Variants in UBE2E2 observed in about 807,000 individuals in gnomAD.
UBE2E2 encodes the protein ubiquitin-conjugating enzyme E2 E2.
In UBE2E2, 6 loss-of-function variants were observed where a neutral mutation model predicts 24.7. The ratio of observed to expected loss-of-function variants is 0.24; its 90% CI spans 0.13 to 0.48. UBE2E2 has a LOEUF of 0.48. UBE2E2 is among the 20% of genes least tolerant of loss of function. The pLI is 0.99. For synonymous variants in UBE2E2, 104 were observed against 83.6 expected (o/e 1.24, Z -1.33); for missense variants, 169 against 245.0 (o/e 0.69, Z 2.07).
intron 5 of UBE2E2, among the ~76,000 whole-genome samples, chr3:23,569,404 G>A (rs6774454): frequency 0.21 from 32,091 of 152,068 alleles, 3,597 homozygotes; most frequent in Non-Finnish European, 0.26. Context: ...ATGGATTGTG[G>A]TAATGGTTGC....
chr3:23,482,748 G>C (rs1699284595), intron 3 of UBE2E2, among the ~76,000 whole-genome samples: 1 of 151,956 alleles, frequency 6.6e-6, no homozygotes, highest in African/African-American at 2.4e-5. Context: ...GATTAAATAG[G>C]GATTTAAGGA....
chr3:23,546,116 A>G (rs1488525614), intron 5 of UBE2E2, among the ~76,000 whole-genome samples: 2 of 152,238 alleles, frequency 1.3e-5, no homozygotes, highest in African/African-American at 4.8e-5. Context: ...CAGTTTATCC[A>G]TGTAACCAGA....
chr3:23,416,246 G>A (rs1365336885), intron 3 of UBE2E2, among the ~76,000 whole-genome samples: 1 of 152,102 alleles, frequency 6.6e-6, no homozygotes, highest in Non-Finnish European at 1.5e-5. Context: ...CATAATCCTG[G>A]TGGTGACAAA....
intron 3 of UBE2E2, among the ~76,000 whole-genome samples, chr3:23,338,776 A>G (rs543083518): frequency 5.9e-5 from 9 of 152,356 alleles, no homozygotes; most frequent in African/African-American, 1.9e-4. Flanking sequence ...AGTGGTATCC[A>G]GATATAATTA....
chr3:23,284,022 G>T (rs1226736868), intron 3 of UBE2E2, among the ~76,000 whole-genome samples: 1 of 152,122 alleles, frequency 6.6e-6, no homozygotes, highest in Non-Finnish European at 1.5e-5. Context: ...AGAGCAATTT[G>T]GCCATGTTAG....
chr3:23,228,780 C>T (rs1056426926), intron 3 of UBE2E2, among the ~76,000 whole-genome samples: 1 of 152,164 alleles, frequency 6.6e-6, no homozygotes, highest in Non-Finnish European at 1.5e-5. Flanking sequence ...TGTGTAGAGG[C>T]AGCACTTTCT....
intron 3 of UBE2E2, among the ~76,000 whole-genome samples, chr3:23,238,834 G>C (rs1697183996): frequency 6.6e-6 from 1 of 152,154 alleles, no homozygotes; most frequent in Non-Finnish European, 1.5e-5. Flanking sequence ...CCTGCCACAT[G>C]GGGTTAGGTG....
chr3:23,312,679 C>A (rs538766878), intron 3 of UBE2E2, among the ~76,000 whole-genome samples: 42 of 152,148 alleles, frequency 2.8e-4, no homozygotes, highest in Non-Finnish European at 5.3e-4. Context: ...GTTTGGTTTG[C>A]TCTTGCTTTC....
intron 3 of UBE2E2, among the ~76,000 whole-genome samples, chr3:23,327,790 G>C (rs568134385): frequency 6.6e-6 from 1 of 152,186 alleles, no homozygotes; most frequent in Non-Finnish European, 1.5e-5. Context: ...ATGAGGTTCA[G>C]ACAAAACTTC....
chr3:23,208,167 C>T (rs1696203526), intron 1 of UBE2E2, among the ~76,000 whole-genome samples: 4 of 151,972 alleles, frequency 2.6e-5, no homozygotes, highest in Admixed American at 2.6e-4. Flanking sequence ...CCTGAGCTTC[C>T]CAAAACATTG....
At chr3:23,386,403 G>A (rs976651309) in intron 3 of UBE2E2, among the ~76,000 whole-genome samples, 3 of 152,160 alleles carry the variant, frequency 2.0e-5, no homozygotes, top group African/African-American at 7.2e-5. Flanking sequence ...CAATCAGGTT[G>A]GGGGTTAAGA....
intron 3 of UBE2E2, among the ~76,000 whole-genome samples, chr3:23,450,631 C>T (rs540331158): frequency 4.6e-5 from 7 of 152,064 alleles, no homozygotes. Context: ...GTTTTAGTTA[C>T]CTTATGATAT....
intron 3 of UBE2E2, among the ~76,000 whole-genome samples, chr3:23,339,918 G>A (rs2125308938): frequency 6.6e-6 from 1 of 152,124 alleles, no homozygotes; most frequent in South Asian, 2.1e-4. Flanking sequence ...TAATTGTCAG[G>A]AATAACGGGA....
chr3:23,367,080 A>G (rs1471139428), intron 3 of UBE2E2, among the ~76,000 whole-genome samples: 1 of 152,182 alleles, frequency 6.6e-6, no homozygotes, highest in African/African-American at 2.4e-5. Context: ...TGATTTTCTC[A>G]TCAGGGCCTT....
intron 3 of UBE2E2, among the ~76,000 whole-genome samples, chr3:23,300,608 G>T (rs1322158107): frequency 1.3e-5 from 2 of 152,144 alleles, no homozygotes; most frequent in East Asian, 1.9e-4. Flanking sequence ...GTTGAATATT[G>T]GTCCCCACTG....
intron 3 of UBE2E2, among the ~76,000 whole-genome samples, chr3:23,455,037 G>A (rs532662959): frequency 8.4e-6 from 1 of 118,884 alleles, no homozygotes; most frequent in East Asian, 2.8e-4. Context: ...CCTAACCCAG[G>A]TCTCTGCATG....
chr3:23,321,538 C>G (rs1230735368), intron 3 of UBE2E2, among the ~76,000 whole-genome samples: 1 of 151,308 alleles, frequency 6.6e-6, no homozygotes, highest in Non-Finnish European at 1.5e-5. Context: ...TGCTAAATCT[C>G]CTAGGAATAG....
intron 3 of UBE2E2, among the ~76,000 whole-genome samples, chr3:23,348,051 T>G (rs900296262): frequency 6.6e-6 from 1 of 152,044 alleles, no homozygotes; most frequent in Non-Finnish European, 1.5e-5. Context: ...CACTGAAGCC[T>G]ATTCAAAAGG....
chr3:23,529,857 T>C (rs1233661659), intron 4 of UBE2E2, among the ~76,000 whole-genome samples: 1 of 152,224 alleles, frequency 6.6e-6, no homozygotes, highest in Non-Finnish European at 1.5e-5. Flanking sequence ...TGTTGTTCTT[T>C]TACTACCTTC....
Sources: gnomAD v4.1 joint callset for allele counts (sites outside exome capture counted in the v4.1 genomes callset) on GRCh38, gnomAD v4.1.1 for gene constraint, MANE v1.5 for transcripts, NCBI Gene and HGNC (gene_info 2026-07-23, HGNC 2026-07-21) for gene names.